The following ANKS1B variants were observed in gnomAD, a reference collection of about 807,000 sequenced individuals.
ANKS1B encodes the protein ankyrin repeat and sterile alpha motif domain containing 1B, also known as ankyrin repeat and sterile alpha motif domain-containing protein 1B.
A neutral mutation model predicts 148.3 loss-of-function variants in ANKS1B; 36 were observed. The observed-to-expected ratio is 0.24, with a 90% CI of 0.19 to 0.32. The LOEUF (loss-of-function observed/expected upper bound fraction) is 0.32. Ranked by LOEUF, ANKS1B falls within the 10% of genes least tolerant of loss-of-function variation. The pLI is 1.00. For missense variants in ANKS1B, 1,157 were observed against 1,542.6 expected, an observed-to-expected ratio of 0.75 and a Z score of 4.19; for synonymous variants, 542 against 560.8, an observed-to-expected ratio of 0.97 and a Z score of 0.47.
intron 8 of ANKS1B, among the ~76,000 whole-genome samples, chr12:99,685,118 T>G (rs557686187): frequency 3.3e-5 from 5 of 152,042 alleles, no homozygotes; most frequent in Non-Finnish European, 7.4e-5. Context: ...AAAGAAATAA[T>G]CAGCAGAGTA....
chr12:99,665,995 G>A (rs917363803), intron 8 of ANKS1B, among the ~76,000 whole-genome samples: 1 of 152,140 alleles, frequency 6.6e-6, no homozygotes, highest in African/African-American at 2.4e-5. Flanking sequence ...TGTACAGCAT[G>A]AGGTAAAGGT....
At chr12:99,808,321 T>C (rs1330818730) in intron 3 of ANKS1B, among the ~76,000 whole-genome samples, 1 of 152,020 alleles carries the variant, frequency 6.6e-6, no homozygotes, top group African/African-American at 2.4e-5. Context: ...AGAGGGAAGA[T>C]TTGAAAATTT....
intron 12 of ANKS1B, among the ~76,000 whole-genome samples, chr12:99,254,224 T>C (rs1602106596): frequency 1.3e-5 from 2 of 152,344 alleles, no homozygotes; most frequent in East Asian, 3.9e-4. Context: ...TCTGTGGTTG[T>C]GTAAGAATGT....
chr12:99,823,280 A>C (rs898657202), intron 2 of ANKS1B, among the ~76,000 whole-genome samples: 1 of 152,064 alleles, frequency 6.6e-6, no homozygotes, highest in African/African-American at 2.4e-5. Context: ...GAAGTGCTTT[A>C]GTTTAATGAA....
chr12:99,491,723 GATTAC>G (rs1235703223), intron 10 of ANKS1B, among the ~76,000 whole-genome samples: 1 of 152,058 alleles, frequency 6.6e-6, no homozygotes. Context: ...GTTTGCTAAG[GATTAC>G]AGCCTCTAGC....
At chr12:99,681,842 C>T (rs1283705679) in intron 8 of ANKS1B, among the ~76,000 whole-genome samples, 1 of 152,182 alleles carries the variant, frequency 6.6e-6, no homozygotes, top group Non-Finnish European at 1.5e-5. Context: ...AAGAAGAAAT[C>T]TCTCAATTGC....
intron 17 of ANKS1B, among the ~76,000 whole-genome samples, chr12:99,032,508 T>C (rs1189236778): frequency 1.3e-5 from 2 of 152,178 alleles, no homozygotes; most frequent in East Asian, 3.9e-4. Flanking sequence ...CTGCTTCCTC[T>C]TCTCTTTTGT....
intron 3 of ANKS1B, among the ~76,000 whole-genome samples, chr12:99,811,125 T>C (rs1320575685): frequency 6.6e-6 from 1 of 151,994 alleles, no homozygotes; most frequent in Non-Finnish European, 1.5e-5. Context: ...TTTTCCTGAT[T>C]AGTCCTTTCA....
rs572879067 is a variant in ANKS1B, at chr12:99,318,243, C to G, written c.1757-71379G>C. Among the ~76,000 whole-genome samples the G allele has an allele frequency of 2.6e-5, 4 of 152,284 alleles. No homozygotes were observed. The South Asian group carries it at 6.2e-4, about 24-fold the overall frequency. ...TGGAATAGTTTCAGAAGGAATGGTACCAGCTCCTCTTTGTATCTCTGGTAG... is the reference window on the plus strand; with the variant it reads ...TGGAATAGTTTCAGAAGGAATGGTAGCAGCTCCTCTTTGTATCTCTGGTAG... On this transcript the variant is annotated intron_variant, in intron 12 of 26. Coordinates refer to ENST00000683438, the MANE Select transcript of ANKS1B (RefSeq NM_001352186.2).
rs60006630 is a variant in ANKS1B, at chr12:98,771,839, G to T, written c.3579+1203C>A. 5.0e-3 allele frequency among the ~76,000 whole-genome samples: 755 copies of T among 152,208 alleles called. 7 individuals carry two copies. The highest frequency in any genetic ancestry group is 0.017 in the African/African-American group (726 of 41,516). ...TTGGAGTTCCCAATTACCACCTGTA[G>T]GTATCTGATCTGACTCCTATTCAAT... On this transcript the variant is annotated intron_variant, in intron 25 of 26. Coordinates refer to ENST00000683438, the MANE Select transcript of ANKS1B (RefSeq NM_001352186.2).
At chr12:99,266,981 T>C (rs1387310674) in intron 12 of ANKS1B, among the ~76,000 whole-genome samples, 1 of 152,216 alleles carries the variant, frequency 6.6e-6, no homozygotes, top group African/African-American at 2.4e-5. Context: ...TTGTTATGAA[T>C]ATGATTATGG....
chr12:99,209,769 C>A (rs993091751), intron 14 of ANKS1B, among the ~76,000 whole-genome samples: 2 of 152,186 alleles, frequency 1.3e-5, no homozygotes, highest in Admixed American at 1.3e-4. Flanking sequence ...ATCCAAAGGA[C>A]ATCAGCCTAA....
chr12:99,086,121 C>T (rs1272836366), intron 15 of ANKS1B, among the ~76,000 whole-genome samples: 1 of 152,106 alleles, frequency 6.6e-6, no homozygotes, highest in Non-Finnish European at 1.5e-5. Flanking sequence ...CTTCCAGTCC[C>T]GTGATGGAAA....
chr12:98,968,225 C>T (rs1299513722), intron 17 of ANKS1B, among the ~76,000 whole-genome samples: 1 of 152,018 alleles, frequency 6.6e-6, no homozygotes, highest in Non-Finnish European at 1.5e-5. Flanking sequence ...GTAAAAACAA[C>T]AACAAAAAAC....
chr12:99,017,778 C>T lies in ANKS1B; in HGVS notation c.2778+35379G>A, dbSNP rs572616336. On this transcript the variant is annotated intron_variant, in intron 17 of 26. Coordinates refer to ENST00000683438, the MANE Select transcript of ANKS1B (RefSeq NM_001352186.2). ...AATGAACTCTTTCTCCACTGCAATA[C>T]TGTGGTCTCAGAGGATTGATCTGGT... 2.6e-5 allele frequency among the ~76,000 whole-genome samples: 4 copies of T among 152,286 alleles called. No individual in the cohort carries two copies. The South Asian group carries it at 8.3e-4, about 32-fold the overall frequency.
At position 99,208,023 on chromosome 12, in the gene ANKS1B, A is replaced by G. The variant is rs577683781; in HGVS notation, c.2419+36319T>C. On this transcript the variant is annotated intron_variant, in intron 14 of 26. Coordinates refer to ENST00000683438, the MANE Select transcript of ANKS1B (RefSeq NM_001352186.2). ...TATACTGATATAAAACTAGAATTTGATCTCCTGTGTTAAAACCACAAGGTT... is the reference window on the plus strand; with the variant it reads ...TATACTGATATAAAACTAGAATTTGGTCTCCTGTGTTAAAACCACAAGGTT... 3.9e-5 allele frequency among the ~76,000 whole-genome samples: 6 copies of G among 152,218 alleles called. No individual in the cohort carries two copies. In the South Asian group the frequency reaches 1.2e-3, roughly 32 times the overall value.
At chr12:99,228,312 A>G (rs1392273397) in intron 14 of ANKS1B, among the ~76,000 whole-genome samples, 1 of 152,200 alleles carries the variant, frequency 6.6e-6, no homozygotes. Flanking sequence ...AAAGTAAAGT[A>G]AGGTACAGCT....
At chr12:99,859,273 C>G (rs1279743584) in intron 1 of ANKS1B, among the ~76,000 whole-genome samples, 1 of 152,186 alleles carries the variant, frequency 6.6e-6, no homozygotes, top group East Asian at 1.9e-4. Context: ...GCATTGCATG[C>G]TGCTAACAGT....
chr12:98,778,809 C>T (rs1483728538), intron 24 of ANKS1B, among the ~76,000 whole-genome samples: 1 of 152,190 alleles, frequency 6.6e-6, no homozygotes, highest in African/African-American at 2.4e-5. Flanking sequence ...TTTCTTCTAA[C>T]CTGCTAAACA....
Sources: allele counts gnomAD v4.1 joint callset (sites outside exome capture counted in the v4.1 genomes callset), GRCh38; gene constraint gnomAD v4.1.1; transcripts MANE v1.5; gene names NCBI Gene and HGNC (gene_info 2026-07-23, HGNC 2026-07-21).